The following SLX4IP variants were observed in gnomAD, a reference collection of about 807,000 sequenced individuals.
The protein encoded by SLX4IP is protein SLX4IP.
Under a neutral mutation model 32.9 loss-of-function variants are expected in SLX4IP, and 34 were observed. The ratio of observed to expected loss-of-function variants is 1.03; its 90% confidence interval spans 0.79 to 1.38. SLX4IP has a LOEUF of 1.38. Ranked by LOEUF, SLX4IP falls within the 40% of genes most tolerant of loss-of-function variation. The pLI, the probability that SLX4IP is intolerant of heterozygous loss-of-function variation, is 0.00. For synonymous variants in SLX4IP, 172 were observed against 171.7 expected (o/e 1.00, Z -0.01); for missense variants, 444 against 479.0 (o/e 0.93, Z 0.68).
At chr20:10,511,168 A>G (rs922759980) in intron 2 of SLX4IP, among the ~76,000 whole-genome samples, 7 of 152,118 alleles carry the variant, frequency 4.6e-5, no homozygotes, top group African/African-American at 7.2e-5. Context: ...AGTTTGCAAT[A>G]TGTTGTTCTC....
chr20:10,524,279 C>T (rs1184190389), intron 2 of SLX4IP, among the ~76,000 whole-genome samples: 3 of 152,240 alleles, frequency 2.0e-5, no homozygotes, highest in African/African-American at 4.8e-5. Context: ...GCGTTCCTCT[C>T]AGCTGCTGCT....
At chr20:10,522,537 G>C (rs1047740201) in intron 2 of SLX4IP, among the ~76,000 whole-genome samples, 1 of 152,132 alleles carries the variant, frequency 6.6e-6, no homozygotes, top group Non-Finnish European at 1.5e-5. Flanking sequence ...CATGGCTCCC[G>C]GTCTCCTGGG....
intron 4 of SLX4IP, among the ~76,000 whole-genome samples, chr20:10,570,607 C>A (rs1266574682): frequency 1.3e-5 from 2 of 151,880 alleles, no homozygotes; most frequent in East Asian, 3.9e-4. Flanking sequence ...CAGCTCATTG[C>A]AACCTCCGCC....
At chr20:10,459,894 G>A (rs901466292) in intron 2 of SLX4IP, among the ~76,000 whole-genome samples, 4 of 152,198 alleles carry the variant, frequency 2.6e-5, no homozygotes, top group Non-Finnish European at 5.9e-5. Flanking sequence ...TTTTCTGTAT[G>A]CTAGTCTTAC....
chr20:10,589,040 A>G (rs2066677078), intron 4 of SLX4IP, among the ~76,000 whole-genome samples: 1 of 152,218 alleles, frequency 6.6e-6, no homozygotes, highest in African/African-American at 2.4e-5. Context: ...ATCATGTTCT[A>G]TACCTTAAAT....
intron 2 of SLX4IP, among the ~76,000 whole-genome samples, chr20:10,486,305 A>G (rs529165895): frequency 6.6e-6 from 1 of 151,644 alleles, no homozygotes; most frequent in East Asian, 1.9e-4. Flanking sequence ...ATCACATAAC[A>G]TGTTGTGAAG....
chr20:10,501,759 T>C (rs536421716), intron 2 of SLX4IP, among the ~76,000 whole-genome samples: 2 of 152,376 alleles, frequency 1.3e-5, no homozygotes, highest in East Asian at 1.9e-4. Flanking sequence ...ACAAGAATTG[T>C]TGTGGCCATG....
At chr20:10,536,820 A>AG (rs2066050685) in intron 2 of SLX4IP, among the ~76,000 whole-genome samples, 2 of 152,214 alleles carry the variant, frequency 1.3e-5, no homozygotes, top group South Asian at 4.1e-4. Flanking sequence ...GAACCATGTG[A>AG]GGGTCTAATC....
intron 4 of SLX4IP, among the ~76,000 whole-genome samples, chr20:10,588,383 A>T (rs1600133455): frequency 6.6e-6 from 1 of 152,138 alleles, no homozygotes; most frequent in East Asian, 1.9e-4. Flanking sequence ...AGAAAAGGGA[A>T]CCCTTGCATG....
intron 6 of SLX4IP, among the ~76,000 whole-genome samples, chr20:10,605,350 A>G (rs2066893609): frequency 6.6e-6 from 1 of 152,208 alleles, no homozygotes; most frequent in Non-Finnish European, 1.5e-5. Context: ...AACAAAGAAA[A>G]GTAAGAAAGT....
intron 1 of SLX4IP, among the ~76,000 whole-genome samples, chr20:10,437,725 T>C (rs2122309800): frequency 6.6e-6 from 1 of 152,368 alleles, no homozygotes; most frequent in Middle Eastern, 3.4e-3. Flanking sequence ...TTGCCAATTG[T>C]AGTGAATGTT....
At position 10,614,299 on chromosome 20, in the gene SLX4IP, G is replaced by A. The variant is rs1013256550; in HGVS notation, c.406-7015G>A. The A allele has an allele frequency of 6.8e-6, 4 of 591,128 alleles. No individual in the cohort carries two copies. In the African/African-American group the frequency reaches 7.5e-5, roughly 11 times the overall value. The allele number at this position is 591,128 out of a possible 1,614,324, so 36.6% of individuals were successfully genotyped here. On this transcript the variant is annotated intron_variant, in intron 6 of 7. Coordinates refer to ENST00000334534, the MANE Select transcript of SLX4IP (RefSeq NM_001009608.3). ...GACAGAATTCATGAAGTCCTACCTTGAGAACAATTTTAAAGACATTGAATA... is the reference window on the plus strand; with the variant it reads ...GACAGAATTCATGAAGTCCTACCTTAAGAACAATTTTAAAGACATTGAATA...
chr20:10,498,964 C>T (rs998436526), intron 2 of SLX4IP, among the ~76,000 whole-genome samples: 2 of 152,068 alleles, frequency 1.3e-5, no homozygotes, highest in Non-Finnish European at 2.9e-5. Context: ...TAAATTATCA[C>T]TGAGGATGAT....
intron 2 of SLX4IP, among the ~76,000 whole-genome samples, chr20:10,458,810 C>A (rs1284153787): frequency 3.9e-5 from 6 of 152,060 alleles, no homozygotes; most frequent in African/African-American, 2.4e-5. Flanking sequence ...GTGACTAGTG[C>A]TGCAATGAAC....
chr20:10,575,221 T>A (rs1483658067), intron 4 of SLX4IP, among the ~76,000 whole-genome samples: 1 of 152,186 alleles, frequency 6.6e-6, no homozygotes, highest in Non-Finnish European at 1.5e-5. Flanking sequence ...TCGGTCACAG[T>A]ATTTCTAACG....
chr20:10,462,484 A>G (rs1055934271), intron 2 of SLX4IP, among the ~76,000 whole-genome samples: 4 of 152,270 alleles, frequency 2.6e-5, no homozygotes, highest in Admixed American at 1.3e-4. Flanking sequence ...CTCAACAGCA[A>G]TAACTAGGAG....
At chr20:10,550,196 G>A (rs2066204056) in intron 2 of SLX4IP, among the ~76,000 whole-genome samples, 2 of 152,080 alleles carry the variant, frequency 1.3e-5, no homozygotes, top group Admixed American at 6.5e-5. Context: ...GCCTATCATC[G>A]GTTTCATCTT....
intron 2 of SLX4IP, among the ~76,000 whole-genome samples, chr20:10,509,069 C>G (rs1424134957): frequency 6.6e-6 from 1 of 152,162 alleles, no homozygotes; most frequent in Non-Finnish European, 1.5e-5. Flanking sequence ...GGGTTAATCT[C>G]CCTCCTCCCA....
intron 1 of SLX4IP, among the ~76,000 whole-genome samples, chr20:10,450,862 C>T (rs2065235538): frequency 6.6e-6 from 1 of 152,142 alleles, no homozygotes; most frequent in Non-Finnish European, 1.5e-5. Context: ...CGCCATTCTC[C>T]TGCCTCAGCC....
Sources: gnomAD v4.1 joint callset for allele counts (sites outside exome capture counted in the v4.1 genomes callset) on GRCh38, gnomAD v4.1.1 for gene constraint, MANE v1.5 for transcripts, NCBI Gene and HGNC (gene_info 2026-07-23, HGNC 2026-07-21) for gene names.